Variants in GLDC observed in about 807,000 individuals in gnomAD.
GLDC encodes the protein glycine dehydrogenase (decarboxylating), mitochondrial.
In GLDC, 104 loss-of-function variants were observed where a neutral mutation model predicts 121.3. That is an observed-to-expected ratio of 0.86 (90% confidence interval 0.73 to 1.01). The LOEUF is 1.01. Among genes scored for constraint, GLDC ranks in the 50% least tolerant of loss-of-function variants. The pLI is 0.00. For missense variants in GLDC, 1,429 were observed against 1,306.6 expected, an observed-to-expected ratio of 1.09 and a Z score of -1.44; for synonymous variants, 546 against 480.6, an observed-to-expected ratio of 1.14 and a Z score of -1.78.
chr9:6,621,785 G>A (rs926836766), intron 2 of GLDC, among the ~76,000 whole-genome samples: 5 of 152,202 alleles, frequency 3.3e-5, no homozygotes, highest in Admixed American at 1.3e-4. Flanking sequence ...CAAAGTGCTG[G>A]GATTACAGGC....
rs549084351 is a variant in GLDC at position 6,590,198 on chromosome 9, G to A, written c.1483-906C>T. Among the ~76,000 whole-genome samples, 11 of 150,094 alleles carry A rather than the reference G, an allele frequency of 7.3e-5. No homozygotes were observed. In the South Asian group the frequency reaches 2.1e-3, roughly 28 times the overall value. On this transcript the variant is annotated intron_variant, in intron 11 of 24. Transcript: ENST00000321612. ...TTTCTATAAAATTTGAAATGTGTGT[G>A]CATCAAAGAACATTATCAAGAAAGT...
chr9:6,621,765 C>T (rs1245237252), intron 2 of GLDC, among the ~76,000 whole-genome samples: 1 of 152,210 alleles, frequency 6.6e-6, no homozygotes, highest in Admixed American at 6.5e-5. Flanking sequence ...ATCCGCCCAC[C>T]TCAGCCTCCC....
Position 6,597,994 on chromosome 9 carries a change from A to T in GLDC, c.1156-2875T>A, listed in dbSNP as rs552154852. Among the ~76,000 whole-genome samples the T allele has an allele frequency of 3.9e-5, 6 of 152,300 alleles. No homozygotes were observed. In the East Asian group the frequency reaches 5.8e-4, roughly 15 times the overall value. On this transcript the variant is annotated intron_variant, in intron 8 of 24. Transcript: ENST00000321612. The stretch of plus-strand genomic sequence containing the variant: ...ACATAATGAAAATTCAGACATCTGT[A>T]GTAATGCCACAAATTTATAGAAAAA...
chr9:6,535,836 A>G (rs1461325111), intron 23 of GLDC: 5 of 560,186 alleles, frequency 8.9e-6, no homozygotes, highest in South Asian at 6.2e-5. Flanking sequence ...AAATTCTCCA[A>G]CTAGACAGCT....
chr9:6,587,827 T>C (rs1818301141), intron 14 of GLDC, among the ~76,000 whole-genome samples: 1 of 152,164 alleles, frequency 6.6e-6, no homozygotes, highest in African/African-American at 2.4e-5. Flanking sequence ...GAGGGAAATA[T>C]TCTTATCATG....
intron 4 of GLDC, among the ~76,000 whole-genome samples, chr9:6,609,913 C>T (rs1335592150): frequency 1.3e-5 from 2 of 152,106 alleles, no homozygotes; most frequent in African/African-American, 4.8e-5. Context: ...AGTCCCCTCA[C>T]CAAATATGCA....
At chr9:6,545,260 C>T (rs1336218149) in intron 21 of GLDC, among the ~76,000 whole-genome samples, 1 of 152,156 alleles carries the variant, frequency 6.6e-6, no homozygotes, top group Non-Finnish European at 1.5e-5. Context: ...GGTGTACTTA[C>T]ATAAACTAGT....
intron 2 of GLDC, chr9:6,623,132 A>C (rs978428697): frequency 1.1e-5 from 2 of 184,802 alleles, no homozygotes; most frequent in Non-Finnish European, 2.1e-5. Context: ...CAGCTCATTG[A>C]GAACGGGCCA....
In GLDC at chr9:6,554,687, C is replaced by A. The variant is rs750384225; in HGVS notation, c.2297G>T (p.Gly766Val). Residue 766 changes from glycine to valine, a missense_variant, in exon 19 of 25, where the codon GGC (glycine) becomes GTC (valine). Coordinates refer to ENST00000321612, the MANE Select transcript of GLDC (RefSeq NM_000170.3). ...AACTTACACTCCGATGGGCCCCATG[C>A]CAGGACCACCTCCTCCGTGGGGAAT... Reference protein sequence around the residue: ...FCIPHGGGGPGMGPIGVKKHL... With the variant: ...FCIPHGGGGPVMGPIGVKKHL... 6.8e-6 allele frequency: 11 copies of A among 1,611,474 alleles called. No individual in the cohort carries two copies. The highest frequency in any genetic ancestry group is 9.3e-6 in the Non-Finnish European group (11 of 1,179,232).
At chr9:6,609,595 C>T (rs1319164574) in intron 4 of GLDC, among the ~76,000 whole-genome samples, 1 of 151,978 alleles carries the variant, frequency 6.6e-6, no homozygotes, top group African/African-American at 2.4e-5. Flanking sequence ...CACGTCTGAC[C>T]CACACCTGCC....
chr9:6,534,135 A>C (rs1453533228), intron 24 of GLDC: 1 of 152,616 alleles, frequency 6.6e-6, no homozygotes, highest in African/African-American at 2.5e-5. Flanking sequence ...TGAACCCAGG[A>C]TCATGCCACT....
chr9:6,581,788 T>C (rs140440487), intron 15 of GLDC, among the ~76,000 whole-genome samples: 1 of 152,334 alleles, frequency 6.6e-6, no homozygotes, highest in Admixed American at 6.5e-5. Context: ...GACATTATGC[T>C]AGATAAGGTG....
chr9:6,556,214 C>T lies in GLDC; in HGVS notation c.2141G>A (p.Cys714Tyr). 1.9e-6 allele frequency: 3 copies of T among 1,612,768 alleles called. No individual in the cohort carries two copies. In the South Asian group the frequency reaches 3.3e-5, roughly 18 times the overall value. Reference sequence around the variant, plus strand: ...TCCTCCATGTTGATGGATGAGGTCACACACGTCACTGATGTTCTCTTCAAA... The same window carrying T: ...TCCTCCATGTTGATGGATGAGGTCATACACGTCACTGATGTTCTCTTCAAA... ...GVFEENISDVCDLIHQHGGQV... is the reference protein window; with the variant it reads ...GVFEENISDVYDLIHQHGGQV... Residue 714 changes from cysteine to tyrosine, a missense_variant, in exon 18 of 25, where the codon TGT (cysteine) becomes TAT (tyrosine). Physicochemically the swap from Cys to Tyr is radical, Grantham distance 194. Transcript: ENST00000321612.
At chr9:6,560,875 A>G (rs547387628) in intron 16 of GLDC, among the ~76,000 whole-genome samples, 1 of 152,292 alleles carries the variant, frequency 6.6e-6, no homozygotes, top group South Asian at 2.1e-4. Flanking sequence ...ATTCTTCTGG[A>G]TTTTGGGCTG....
chr9:6,559,516 TAAAAAAAAA>T (rs56198084), intron 16 of GLDC, among the ~76,000 whole-genome samples: 1 of 83,276 alleles, frequency 1.2e-5, no homozygotes, highest in African/African-American at 5.0e-5. Context: ...ACTCCGTATT[TAAAAAAAAA>T]AAAAAAAAAA....
rs34438524 is a variant in GLDC, at chr9:6,593,268, G to GAT, written c.1262-280_1262-279dup. ...AGAAATGGGGGAGCAGGTAGTATCA[G>GAT]ATATATATATATATATATAAAATTA... On this transcript the variant is annotated intron_variant, in intron 9 of 24. Coordinates refer to ENST00000321612, the MANE Select transcript of GLDC (RefSeq NM_000170.3). Among the ~76,000 whole-genome samples, 25,108 of 143,760 alleles carry GAT rather than the reference G, an allele frequency of 0.17. 2,689 individuals are homozygous for GAT. Among genetic ancestry groups the GAT allele is most frequent in the Middle Eastern group, 0.25 (71 of 284 alleles). 94.3% of individuals were successfully genotyped at this position (143,760 alleles called of 152,430 possible). A position where few individuals can be genotyped will look rare whatever the true frequency, so the allele number is the denominator to read the frequency against.
intron 16 of GLDC, among the ~76,000 whole-genome samples, chr9:6,559,851 C>T (rs913005785): frequency 2.0e-5 from 3 of 152,142 alleles, no homozygotes; most frequent in African/African-American, 7.2e-5. Context: ...AATGACCAAC[C>T]CCTACCCCGG....
intron 18 of GLDC, 91 bp from the exon 19 acceptor site, chr9:6,554,872 C>G (rs1384363875): frequency 3.3e-6 from 3 of 901,532 alleles, no homozygotes; most frequent in Non-Finnish European, 5.4e-6. Flanking sequence ...CTGCCTTCTC[C>G]CCTCAGAGGA....
intron 16 of GLDC, among the ~76,000 whole-genome samples, chr9:6,563,185 G>T (rs1817791586): frequency 6.6e-6 from 1 of 152,212 alleles, no homozygotes; most frequent in African/African-American, 2.4e-5. Flanking sequence ...AAACCCAAAG[G>T]CCTTTCATTC....
Sources: gnomAD v4.1 joint callset for allele counts (sites outside exome capture counted in the v4.1 genomes callset) on GRCh38, gnomAD v4.1.1 for gene constraint, MANE v1.5 for transcripts, NCBI Gene and HGNC (gene_info 2026-07-23, HGNC 2026-07-21) for gene names.